The following ARHGEF33 variants were observed in gnomAD, a reference collection of about 807,000 sequenced individuals.
The protein encoded by ARHGEF33 is Rho guanine nucleotide exchange factor 33.
Under a neutral mutation model 101.9 loss-of-function variants are expected in ARHGEF33, and 72 were observed. The observed-to-expected ratio is 0.71, with a 90% CI of 0.58 to 0.86. The LOEUF (loss-of-function observed/expected upper bound fraction) is 0.86. Among genes scored for constraint, ARHGEF33 ranks in the 40% least tolerant of loss-of-function variants. The probability of loss-of-function intolerance (pLI) is 0.00; values close to 1 mark genes in which losing one functional copy is unlikely to be tolerated. For missense variants in ARHGEF33, 1,169 were observed against 1,111.3 expected, an observed-to-expected ratio of 1.05 and a Z score of -0.74; for synonymous variants, 499 against 442.5, an observed-to-expected ratio of 1.13 and a Z score of -1.60.
At chr2:38,942,904 A>G (rs547813240) in intron 9 of ARHGEF33, among the ~76,000 whole-genome samples, 1 of 152,280 alleles carries the variant, frequency 6.6e-6, no homozygotes, top group African/African-American at 2.4e-5. Context: ...GGCTAATCAG[A>G]TGGCAAATTA....
At chr2:38,927,372 T>C (rs1258629136) in intron 4 of ARHGEF33, among the ~76,000 whole-genome samples, 1 of 152,232 alleles carries the variant, frequency 6.6e-6, no homozygotes, top group African/African-American at 2.4e-5. Context: ...TGTTAAGGTA[T>C]CTGGACTTTA....
intron 7 of ARHGEF33, among the ~76,000 whole-genome samples, chr2:38,934,686 C>G: frequency 7.1e-6 from 1 of 141,616 alleles, no homozygotes; most frequent in Non-Finnish European, 1.5e-5. Context: ...CTCTCCCTCC[C>G]TCCATCTCAG....
At chr2:38,942,375 A>C (rs1667334311) in intron 9 of ARHGEF33, among the ~76,000 whole-genome samples, 1 of 150,984 alleles carries the variant, frequency 6.6e-6, no homozygotes. Flanking sequence ...CCATGTTGGC[A>C]AGTCTCGACG....
In ARHGEF33 at chr2:38,965,759, T is replaced by C. The variant is rs1005633065; in HGVS notation, c.2344-247T>C. 2.6e-5 allele frequency among the ~76,000 whole-genome samples: 4 copies of C among 152,242 alleles called. No individual in the cohort carries two copies. The East Asian group carries it at 5.8e-4, about 22-fold the overall frequency. ...TTCTTTATTTCCTTATCTTTAATTA[T>C]TGTTATATATTACACTAGACTATTT... On this transcript the variant is annotated intron_variant, in intron 16 of 17. Coordinates refer to ENST00000409978, the MANE Select transcript of ARHGEF33 (RefSeq NM_001145451.5).
rs1667906557 is a variant in ARHGEF33 at position 38,960,600 on chromosome 2, C to T, written c.2295C>T (p.Pro765=). The T allele has an allele frequency of 3.5e-6, 5 of 1,413,978 alleles. No homozygotes were observed. Among genetic ancestry groups the T allele is most frequent in the South Asian group, 2.6e-5 (2 of 77,926 alleles). 87.6% of individuals were successfully genotyped at this position (1,413,978 alleles called of 1,614,324 possible). Residue 765 remains proline (P), a synonymous_variant, in exon 16 of 18, where the codon CCC becomes CCT. Coordinates refer to ENST00000409978, the MANE Select transcript of ARHGEF33 (RefSeq NM_001145451.5). ...AARGASRTFF[P]QQRSQSEKQT... ...GCGGCGCATCCAGGACCTTCTTCCC[C>T]CAACAGAGGTCCCAAAGCGAAAAAC...
intron 17 of ARHGEF33, among the ~76,000 whole-genome samples, chr2:38,970,350 G>A (rs938767747): frequency 1.3e-5 from 2 of 152,172 alleles, no homozygotes; most frequent in Non-Finnish European, 2.9e-5. Flanking sequence ...AGCTTCAGCT[G>A]TTGAACAGAC....
At chr2:38,966,204 AG>A (rs1281058516) in intron 17 of ARHGEF33, 59 bp downstream of exon 17, 1 of 1,522,492 alleles carries the variant, frequency 6.6e-7, no homozygotes. Flanking sequence ...CTAAATCTTG[AG>A]GTTTTAACAA....
chr2:38,938,772 C>T (rs1667222713), intron 9 of ARHGEF33, among the ~76,000 whole-genome samples: 1 of 152,144 alleles, frequency 6.6e-6, no homozygotes, highest in Admixed American at 6.5e-5. Context: ...ACTATTATGA[C>T]TTCTATACCA....
At position 38,974,178 on chromosome 2, in the gene ARHGEF33, C is replaced by T. The variant is rs1301623095; in HGVS notation, c.*335C>T. 2 of 152,662 alleles carry T rather than the reference C, an allele frequency of 1.3e-5. No homozygotes were observed. Among genetic ancestry groups the T allele is most frequent in the African/African-American group, 4.8e-5 (2 of 41,358 alleles). 9.5% of individuals were successfully genotyped at this position (152,662 alleles called of 1,614,324 possible). A position where few individuals can be genotyped will look rare whatever the true frequency, so the allele number is the denominator to read the frequency against. ...AAAACTTCCAACTTGAAGTCATTCC[C>T]CGAGTATAATACTGAGCATGTTCAT... On this transcript the variant is annotated 3_prime_UTR_variant, in exon 18 of 18. Coordinates refer to ENST00000409978, the MANE Select transcript of ARHGEF33 (RefSeq NM_001145451.5).
At chr2:38,923,596 C>T (rs1024491523) in intron 4 of ARHGEF33, among the ~76,000 whole-genome samples, 3 of 152,098 alleles carry the variant, frequency 2.0e-5, no homozygotes, top group African/African-American at 7.2e-5. Context: ...GTTGTATTCT[C>T]AGTGTAAAGT....
intron 9 of ARHGEF33, 106 bp from the exon 10 acceptor site, chr2:38,943,791 GTTTT>G: frequency 1.1e-6 from 1 of 945,062 alleles, no homozygotes; most frequent in Non-Finnish European, 1.5e-6. Context: ...CTTGCAGATG[GTTTT>G]TTTTTTATTG....
intron 16 of ARHGEF33, among the ~76,000 whole-genome samples, chr2:38,962,922 G>A (rs1053370184): frequency 2.0e-5 from 3 of 150,974 alleles, no homozygotes; most frequent in African/African-American, 7.3e-5. Flanking sequence ...TACTCAGGAG[G>A]CTGAGGCGAG....
At chr2:38,953,825 C>G (rs975826054) in intron 12 of ARHGEF33, among the ~76,000 whole-genome samples, 2 of 152,210 alleles carry the variant, frequency 1.3e-5, no homozygotes, top group Admixed American at 6.5e-5. Flanking sequence ...TTCAACCCCC[C>G]ACTACTCCCA....
At chr2:38,933,202 G>A (rs911856538) in intron 7 of ARHGEF33, among the ~76,000 whole-genome samples, 1 of 152,130 alleles carries the variant, frequency 6.6e-6, no homozygotes, top group Non-Finnish European at 1.5e-5. Context: ...GTCATCTCAG[G>A]TGAAGGCTCT....
intron 16 of ARHGEF33, among the ~76,000 whole-genome samples, chr2:38,964,523 T>G (rs1668011949): frequency 6.6e-6 from 1 of 151,138 alleles, no homozygotes; most frequent in South Asian, 2.1e-4. Flanking sequence ...CCACCTCAGA[T>G]CATCAGGCAT....
intron 1 of ARHGEF33, among the ~76,000 whole-genome samples, chr2:38,895,359 A>G (rs556031447): frequency 7.2e-5 from 11 of 152,338 alleles, no homozygotes; most frequent in African/African-American, 1.4e-4. Flanking sequence ...TGTCACTTGA[A>G]GTAGGTGATT....
intron 10 of ARHGEF33, among the ~76,000 whole-genome samples, chr2:38,945,402 A>G (rs144949604): frequency 1.3e-3 from 197 of 152,360 alleles, no homozygotes; most frequent in African/African-American, 4.3e-3. Context: ...AAACAGAGGT[A>G]AACCAAATAT....
At chr2:38,929,524 T>C (rs1666946674) in intron 5 of ARHGEF33, among the ~76,000 whole-genome samples, 185 bp from the exon 6 acceptor site, 1 of 152,202 alleles carries the variant, frequency 6.6e-6, no homozygotes, top group Non-Finnish European at 1.5e-5. Flanking sequence ...AAAATATCTT[T>C]CATGTTTTCT....
chr2:38,953,047 T>G, intron 11 of ARHGEF33, 115 bp from the exon 12 acceptor site: 4 of 631,242 alleles, frequency 6.3e-6, no homozygotes, highest in Non-Finnish European at 8.4e-6. Context: ...AAGAACATAT[T>G]AAATGAATAA....
Sources: gnomAD v4.1 joint callset for allele counts (sites outside exome capture counted in the v4.1 genomes callset) on GRCh38, gnomAD v4.1.1 for gene constraint, MANE v1.5 for transcripts, NCBI Gene and HGNC (gene_info 2026-07-23, HGNC 2026-07-21) for gene names.